DOK5: variants seen among roughly 807,000 people sequenced by gnomAD.
DOK5 encodes the protein docking protein 5.
A neutral mutation model predicts 43.3 loss-of-function variants in DOK5; 27 were observed. The observed-to-expected ratio is 0.62, with a 90% CI of 0.46 to 0.86. DOK5 has a LOEUF of 0.86. DOK5 is among the 40% of genes least tolerant of loss of function. The pLI, the probability that DOK5 is intolerant of heterozygous loss-of-function variation, is 0.00. For synonymous variants in DOK5, 146 were observed against 140.1 expected (o/e 1.04, Z -0.30); for missense variants, 373 against 392.9 (o/e 0.95, Z 0.43).
chr20:54,575,809 T>C (rs1378874393), intron 2 of DOK5, among the ~76,000 whole-genome samples: 1 of 152,242 alleles, frequency 6.6e-6, no homozygotes, highest in Non-Finnish European at 1.5e-5. Flanking sequence ...AAAGCAAGTG[T>C]GTGCACGTGT....
At chr20:54,509,150 A>C (rs1043416796) in intron 1 of DOK5, among the ~76,000 whole-genome samples, 8 of 152,348 alleles carry the variant, frequency 5.3e-5, no homozygotes, top group Middle Eastern at 6.8e-3. Context: ...TGCTGGGATT[A>C]CAGGTGTGAG....
chr20:54,643,895 G>A (rs118089464), intron 7 of DOK5, among the ~76,000 whole-genome samples: 7 of 152,306 alleles, frequency 4.6e-5, no homozygotes, highest in Middle Eastern at 3.4e-3. Context: ...TTAACAGACC[G>A]TACACAGGGT....
intron 5 of DOK5, among the ~76,000 whole-genome samples, chr20:54,592,400 T>A (rs555564470): frequency 2.0e-5 from 3 of 152,214 alleles, no homozygotes; most frequent in South Asian, 4.1e-4. Flanking sequence ...TGGGAGAGAT[T>A]AACCAGATAG....
chr20:54,623,439 A>G (rs780166186), intron 6 of DOK5, among the ~76,000 whole-genome samples: 3 of 152,134 alleles, frequency 2.0e-5, no homozygotes, highest in Non-Finnish European at 2.9e-5. Context: ...CCTTGTTCAC[A>G]TCATATGTAA....
chr20:54,535,156 T>C (rs540264335), intron 1 of DOK5, among the ~76,000 whole-genome samples: 1 of 152,224 alleles, frequency 6.6e-6, no homozygotes, highest in Middle Eastern at 3.4e-3. Context: ...TCCTGGAAGT[T>C]ATCTGTGAAA....
intron 7 of DOK5, among the ~76,000 whole-genome samples, chr20:54,644,718 A>AAAAACAAAAAAAAAC (rs1979307001): frequency 2.8e-5 from 4 of 142,500 alleles, no homozygotes; most frequent in African/African-American, 1.2e-4. Flanking sequence ...AAAAAAAAAA[A>AAAAACAAAAAAAAAC]AAAAAACAAA....
At chr20:54,599,782 T>TA (rs1986251855) in intron 5 of DOK5, among the ~76,000 whole-genome samples, 1 of 152,174 alleles carries the variant, frequency 6.6e-6, no homozygotes, top group Non-Finnish European at 1.5e-5. Context: ...AAAGGGCTAG[T>TA]AAAAAAGAAT....
intron 6 of DOK5, among the ~76,000 whole-genome samples, chr20:54,618,754 A>T (rs1266034039): frequency 3.3e-5 from 5 of 151,990 alleles, no homozygotes; most frequent in African/African-American, 1.2e-4. Context: ...ACAGTGACTC[A>T]TGCCTATAAT....
intron 1 of DOK5, among the ~76,000 whole-genome samples, chr20:54,516,803 C>T (rs1983212048): frequency 6.6e-6 from 1 of 152,128 alleles, no homozygotes; most frequent in South Asian, 2.1e-4. Flanking sequence ...AGCTCTTGCC[C>T]TCAAAGAATT....
At chr20:54,476,746 G>A (rs1164587989) in intron 1 of DOK5, among the ~76,000 whole-genome samples, 2 of 152,028 alleles carry the variant, frequency 1.3e-5, no homozygotes, top group Non-Finnish European at 2.9e-5. Flanking sequence ...TGAATCTTAG[G>A]GCACTTGGGA....
At chr20:54,601,766 T>C (rs1244362387) in intron 5 of DOK5, among the ~76,000 whole-genome samples, 2 of 152,244 alleles carry the variant, frequency 1.3e-5, no homozygotes, top group Non-Finnish European at 2.9e-5. Flanking sequence ...GGAAGCTTTA[T>C]ATCTCATAAG....
chr20:54,584,022 C>G (rs1017499098), intron 2 of DOK5, among the ~76,000 whole-genome samples: 1 of 151,608 alleles, frequency 6.6e-6, no homozygotes, highest in Non-Finnish European at 1.5e-5. Flanking sequence ...CGGTGGTGCA[C>G]ACCTATAGTC....
intron 7 of DOK5, among the ~76,000 whole-genome samples, chr20:54,648,575 A>C (rs1350437968): frequency 3.9e-5 from 6 of 152,066 alleles, no homozygotes; most frequent in African/African-American, 1.2e-4. Context: ...GCAAATGCAA[A>C]GGCCCTGAGT....
chr20:54,555,094 G>A, intron 2 of DOK5, 54 bp downstream of exon 2: 1 of 1,245,670 alleles, frequency 8.0e-7, no homozygotes, highest in Non-Finnish European at 1.2e-6. Flanking sequence ...GAGGCAACTG[G>A]AATTACTGAC....
At chr20:54,500,394 T>C (rs1043039650) in intron 1 of DOK5, among the ~76,000 whole-genome samples, 2 of 152,100 alleles carry the variant, frequency 1.3e-5, no homozygotes, top group African/African-American at 4.8e-5. Flanking sequence ...TTGTCATTGT[T>C]TTGCTGAATT....
rs566539912 is a variant in DOK5 at position 54,544,618 on chromosome 20, C to T, written c.67-10315C>T. 1.8e-4 allele frequency among the ~76,000 whole-genome samples: 27 copies of T among 152,242 alleles called. No homozygotes were observed. In the South Asian group the frequency reaches 3.7e-3, roughly 21 times the overall value. On this transcript the variant is annotated intron_variant, in intron 1 of 7. Transcript: ENST00000262593. The stretch of plus-strand genomic sequence containing the variant: ...ACCCAGAGCTGGCTGAACAGGAGAC[C>T]GGAGCCTCTGTGGACATTTGGAAGC...
At chr20:54,558,853 C>G (rs1447460386) in intron 2 of DOK5, among the ~76,000 whole-genome samples, 1 of 152,060 alleles carries the variant, frequency 6.6e-6, no homozygotes, top group Non-Finnish European at 1.5e-5. Flanking sequence ...TTAGAAGTTT[C>G]AACACAAGAA....
chr20:54,609,850 C>A lies in DOK5; in HGVS notation c.600-538C>A, dbSNP rs187545455. Among the ~76,000 whole-genome samples, 4 of 152,246 alleles carry A rather than the reference C, an allele frequency of 2.6e-5. No individual in the cohort carries two copies. In the South Asian group the frequency reaches 6.2e-4, roughly 24 times the overall value. On this transcript the variant is annotated intron_variant, in intron 5 of 7. Coordinates refer to ENST00000262593, the MANE Select transcript of DOK5 (RefSeq NM_018431.5). ...TGCTCATTGAAAAAAAAATTAACTGCATTTGATCCATCACATTGAATGAAA... is the reference window on the plus strand; with the variant it reads ...TGCTCATTGAAAAAAAAATTAACTGAATTTGATCCATCACATTGAATGAAA...
chr20:54,643,681 C>T (rs571064586), intron 7 of DOK5, 103 bp downstream of exon 7: 31 of 1,436,382 alleles, frequency 2.2e-5, no homozygotes, highest in Non-Finnish European at 2.8e-5. Context: ...CTGGTTAGTG[C>T]CCTTCCTCCA....
Sources: gnomAD v4.1 joint callset for allele counts (sites outside exome capture counted in the v4.1 genomes callset) on GRCh38, gnomAD v4.1.1 for gene constraint, MANE v1.5 for transcripts, NCBI Gene and HGNC (gene_info 2026-07-23, HGNC 2026-07-21) for gene names.